ZNF501: variants seen among roughly 807,000 people sequenced by gnomAD.
ZNF501 encodes zinc finger protein 52.
Under a neutral mutation model 5.7 loss-of-function variants are expected in ZNF501, and 7 were observed. The ratio of observed to expected loss-of-function variants is 1.24; its 90% confidence interval spans 0.70 to 2.32. ZNF501 has a LOEUF of 2.32. Ranked by LOEUF, ZNF501 falls within the 30% of genes most tolerant of loss-of-function variation. ZNF501 has a pLI of 0.00. For missense variants in ZNF501, 352 were observed against 321.1 expected, an observed-to-expected ratio of 1.10 and a Z score of -0.73; for synonymous variants, 107 against 101.9, an observed-to-expected ratio of 1.05 and a Z score of -0.30.
chr3:44,734,577 C>T lies in ZNF501; in HGVS notation c.156C>T (p.Cys52=). Residue 52 remains cysteine, a synonymous_variant, in exon 3 of 3, where the codon TGC becomes TGT. Transcript: ENST00000620116. ...RIHRGEKPYV[C]SECGSCFRKQ... ...ACAGAGGAGAGAAGCCCTATGTGTG[C>T]AGTGAATGTGGAAGTTGTTTCCGTA... 6.2e-7 allele frequency: 1 copy of T among 1,614,156 alleles called. No individual in the cohort carries two copies. The highest frequency in any genetic ancestry group is 1.1e-5 in the South Asian group (1 of 91,082).
At chr3:44,733,489 A>T (rs1704645699) in intron 2 of ZNF501, among the ~76,000 whole-genome samples, 1 of 152,262 alleles carries the variant, frequency 6.6e-6, no homozygotes, top group Non-Finnish European at 1.5e-5. Flanking sequence ...TATTAAGCAC[A>T]GAAGTTTTTC....
intron 2 of ZNF501, among the ~76,000 whole-genome samples, chr3:44,732,816 ATTTTGTTAACAAAAATTTTCTTT>A (rs1320045226): frequency 1.3e-5 from 2 of 152,210 alleles, no homozygotes; most frequent in Non-Finnish European, 2.9e-5. Flanking sequence ...GAATAGGTTT[ATTTTGTTAACAAAAATTTTCTTT>A]TAGAGAAGGG....
rs1444875349 is a variant in ZNF501 at position 44,735,362 on chromosome 3, TTGTGTCCTAA to T, written c.*135_*144del. Reference sequence around the variant, plus strand: ...TATTTTGTATTTTGAACAAGAAATGTTGTGTCCTAATGTGTCCTAGTCTGGAGTTTGATGC... The same window carrying T: ...TATTTTGTATTTTGAACAAGAAATGTTGTGTCCTAGTCTGGAGTTTGATGC... On this transcript the variant is annotated 3_prime_UTR_variant, in exon 3 of 3. Transcript: ENST00000620116. 1 of 930,966 alleles carries T rather than the reference TTGTGTCCTAA, an allele frequency of 1.1e-6. No individual in the cohort carries two copies. The highest frequency in any genetic ancestry group is 1.7e-5 in the African/African-American group (1 of 59,630). 57.7% of individuals were successfully genotyped at this position (930,966 alleles called of 1,614,324 possible).
chr3:44,729,921 G>C lies in ZNF501; in HGVS notation c.-405G>C, dbSNP rs1034819207. On this transcript the variant is annotated 5_prime_UTR_variant, in exon 1 of 3. Transcript: ENST00000620116. The stretch of plus-strand genomic sequence containing the variant: ...CTGGGTTCGATTTATACATACTTAA[G>C]CATGTCAGTGAACTTCTGGGCACTT... 2.0e-5 allele frequency: 3 copies of C among 152,246 alleles called. No individual in the cohort carries two copies. Among genetic ancestry groups the C allele is most frequent in the Admixed American group, 6.5e-5 (1 of 15,290 alleles). The allele number at this position is 152,246 out of a possible 1,614,324, so 9.4% of individuals were successfully genotyped here. A position where few individuals can be genotyped will look rare whatever the true frequency, so the allele number is the denominator to read the frequency against.
In ZNF501 at chr3:44,735,556, GTTTA is replaced by G; in HGVS notation, c.*324_*327del. On this transcript the variant is annotated 3_prime_UTR_variant, in exon 3 of 3. Coordinates refer to ENST00000620116, the MANE Select transcript of ZNF501 (RefSeq NM_001258280.2). ...CATTAATTAATTAGCCGTTCTAAAA[GTTTA>G]TTTACAATATCAAAATCTGACAAGT... is the stretch of plus-strand genomic sequence containing the variant. 1 of 214,970 alleles carries G rather than the reference GTTTA, an allele frequency of 4.7e-6. No homozygotes were observed. 13.3% of individuals were successfully genotyped at this position (214,970 alleles called of 1,614,324 possible).
In ZNF501 at chr3:44,735,186, T is replaced by C. The variant is rs761474570; in HGVS notation, c.765T>C (p.Phe255=). 13 of 1,608,000 alleles carry C rather than the reference T, an allele frequency of 8.1e-6. 1 individual carries two copies. In the South Asian group the frequency reaches 8.9e-5, roughly 11 times the overall value. ...PYECVGCGKS[F]RHSSALLRHQ... ...AGTGTGTTGGATGTGGGAAATCCTT[T>C]AGGCACAGTTCAGCACTTCTTCGAC... Residue 255 remains phenylalanine, a synonymous_variant, in exon 3 of 3, where the codon TTT becomes TTC. Transcript: ENST00000620116.
rs1194003973 is a variant in ZNF501, at chr3:44,729,847, T to G, written c.-479T>G. On this transcript the variant is annotated 5_prime_UTR_variant, in exon 1 of 3. The change abolishes an upstream ATG in the 5' untranslated region. Transcript: ENST00000620116. ...CCCGAGGCCTAGGGCAAACTTGCCATGAAGAAAGGAGAGGCTGTTCGAGAG... is the reference window on the plus strand; with the variant it reads ...CCCGAGGCCTAGGGCAAACTTGCCAGGAAGAAAGGAGAGGCTGTTCGAGAG... 6.6e-6 allele frequency: 1 copy of G among 152,282 alleles called. No homozygotes were observed. The highest frequency in any genetic ancestry group is 2.1e-4 in the South Asian group (1 of 4,828). 9.4% of individuals were successfully genotyped at this position (152,282 alleles called of 1,614,324 possible).
intron 1 of ZNF501, among the ~76,000 whole-genome samples, chr3:44,730,948 A>G (rs937627580): frequency 6.6e-6 from 1 of 152,252 alleles, no homozygotes; most frequent in African/African-American, 2.4e-5. Context: ...ATATAGAATC[A>G]AAGCTTTGTA....
intron 1 of ZNF501, among the ~76,000 whole-genome samples, chr3:44,730,939 T>G (rs541309840): frequency 6.6e-6 from 1 of 152,372 alleles, no homozygotes; most frequent in South Asian, 2.1e-4. Context: ...CCCATCTGTA[T>G]ATAGAATCAA....
intron 2 of ZNF501, among the ~76,000 whole-genome samples, chr3:44,732,982 C>T (rs1461406185): frequency 6.6e-6 from 1 of 152,064 alleles, no homozygotes; most frequent in Non-Finnish European, 1.5e-5. Context: ...CATGACCACA[C>T]CCAGCTAATT....
intron 2 of ZNF501, among the ~76,000 whole-genome samples, chr3:44,733,722 A>G (rs985879112): frequency 7.9e-5 from 12 of 152,326 alleles, no homozygotes; most frequent in African/African-American, 2.9e-4. Context: ...GCAGGACTCT[A>G]GTTTTCAAAC....
At chr3:44,730,791 C>G (rs1044178245) in intron 1 of ZNF501, among the ~76,000 whole-genome samples, 1 of 152,190 alleles carries the variant, frequency 6.6e-6, no homozygotes, top group Non-Finnish European at 1.5e-5. Context: ...AGGAAGTTTC[C>G]CTGCTGTTGA....
In ZNF501 at chr3:44,733,283, C is replaced by T. The variant is rs528138079; in HGVS notation, c.-225-914C>T. 4.6e-5 allele frequency among the ~76,000 whole-genome samples: 7 copies of T among 152,318 alleles called. No homozygotes were observed. The South Asian group carries it at 1.4e-3, about 32-fold the overall frequency. On this transcript the variant is annotated intron_variant, in intron 2 of 2. Transcript: ENST00000620116. ...GAAGAGATTGCTCTGACGTGCAGCA[C>T]CTGAATATTCATTCTTTAATTCTGT...
Position 44,734,973 on chromosome 3 carries a change from T to C in ZNF501, c.552T>C (p.His184=). ...GTCTCATGCAGCATCAGAGAATTCA[T>C]TCAGGAGAGAAGCCCTACACATGCA... is the stretch of plus-strand genomic sequence containing the variant. ...SACLMQHQRI[H]SGEKPYTCTE... The change falls in exon 3 of 3, where the codon CAT becomes CAC. Residue 184 remains histidine, a synonymous_variant. Transcript: ENST00000620116. 6.2e-7 allele frequency: 1 copy of C among 1,614,070 alleles called. No individual in the cohort carries two copies. The highest frequency in any genetic ancestry group is 8.5e-7 in the Non-Finnish European group (1 of 1,180,000).
At chr3:44,731,214 T>C (rs1704610543) in intron 1 of ZNF501, among the ~76,000 whole-genome samples, 1 of 152,234 alleles carries the variant, frequency 6.6e-6, no homozygotes, top group Non-Finnish European at 1.5e-5. Flanking sequence ...TCCAACCTGA[T>C]GTCGTATAAA....
Position 44,735,328 on chromosome 3 carries a change from T to C in ZNF501, c.*91T>C. The C allele has an allele frequency of 1.8e-6, 2 of 1,113,116 alleles. No individual in the cohort carries two copies. Among genetic ancestry groups the C allele is most frequent in the Non-Finnish European group, 2.5e-6 (2 of 784,910 alleles). The allele number at this position is 1,113,116 out of a possible 1,614,324, so 69.0% of individuals were successfully genotyped here. On this transcript the variant is annotated 3_prime_UTR_variant, in exon 3 of 3. Transcript: ENST00000620116. ...AGGAATGTAAGACTCAATCTGTAGC[T>C]AGTATGAATATTTTGTATTTTGAAC... is the stretch of plus-strand genomic sequence containing the variant.
At position 44,734,692 on chromosome 3, in the gene ZNF501, G is replaced by A. The variant is rs1304672585; in HGVS notation, c.271G>A (p.Ala91Thr). The A allele has an allele frequency of 6.2e-7, 1 of 1,614,082 alleles. No homozygotes were observed. Among genetic ancestry groups the A allele is most frequent in the South Asian group, 1.1e-5 (1 of 91,088 alleles). ...NECEKAFQTK[A>T]ILVQHLRIHT... ...ATGTGAGAAAGCCTTTCAAACAAAA[G>A]CAATTCTTGTTCAGCATCTGAGAAT... Residue 91 changes from alanine (A) to threonine (T), a missense_variant, in exon 3 of 3, where the codon GCA (alanine) becomes ACA (threonine). Ala to Thr is a moderately conservative substitution (Grantham distance 58, BLOSUM62 0). Coordinates refer to ENST00000620116, the MANE Select transcript of ZNF501 (RefSeq NM_001258280.2).
intron 2 of ZNF501, 36 bp from the exon 3 acceptor site, chr3:44,734,161 G>C (rs1704656133): frequency 2.9e-6 from 1 of 347,850 alleles, no homozygotes; most frequent in African/African-American, 2.1e-5. Flanking sequence ...GAATTTTATA[G>C]AATTCCTAAT....
intron 2 of ZNF501, chr3:44,731,870 A>G (rs908573521): frequency 3.2e-4 from 48 of 152,364 alleles, no homozygotes; most frequent in African/African-American, 1.1e-3. Context: ...ACTGCTCAGT[A>G]TGATGCCTTA....
Sources: gnomAD v4.1 joint callset for allele counts (sites outside exome capture counted in the v4.1 genomes callset) on GRCh38, gnomAD v4.1.1 for gene constraint, MANE v1.5 for transcripts, NCBI Gene and HGNC (gene_info 2026-07-23, HGNC 2026-07-21) for gene names.